Variants in TMEM207 observed in about 807,000 individuals in gnomAD.
TMEM207 encodes transmembrane protein 207, also known as SRSR846.
TMEM207 carries 15 observed loss-of-function variants against 17.4 expected under a neutral mutation model. The ratio of observed to expected loss-of-function variants is 0.86; its 90% confidence interval spans 0.58 to 1.33. The LOEUF (loss-of-function observed/expected upper bound fraction) is 1.33, where lower values mean the gene tolerates loss of function less well. Ranked by LOEUF, TMEM207 falls within the 40% of genes most tolerant of loss-of-function variation. TMEM207 has a pLI of 0.00. For synonymous variants in TMEM207, 70 were observed against 65.6 expected (o/e 1.07, Z -0.33); for missense variants, 205 against 173.8 (o/e 1.18, Z -1.01).
At chr3:190,443,128 T>C (rs1341844261) in intron 2 of TMEM207, among the ~76,000 whole-genome samples, 1 of 151,576 alleles carries the variant, frequency 6.6e-6, no homozygotes, top group Non-Finnish European at 1.5e-5. Context: ...CTTGGTGTCC[T>C]GACACAATTA....
intron 3 of TMEM207, 147 bp downstream of exon 3, chr3:190,441,291 G>A: frequency 3.2e-6 from 2 of 624,994 alleles, no homozygotes; most frequent in South Asian, 2.1e-5. Flanking sequence ...ATTGGCCAAC[G>A]ATCTGAAAGT....
Position 190,449,847 on chromosome 3 carries a change from C to T in TMEM207, c.-38G>A, listed in dbSNP as rs746435403. ...GTCAACTTAGGATAGTGGTTTGGTG[C>T]CTGTGTTTATTTCCTTCTTTCTCAG... On this transcript the variant is annotated 5_prime_UTR_variant, in exon 1 of 5. Transcript: ENST00000354905. The T allele has an allele frequency of 1.5e-5, 23 of 1,579,434 alleles. No homozygotes were observed. Among genetic ancestry groups the T allele is most frequent in the Non-Finnish European group, 2.0e-5 (23 of 1,149,034 alleles).
intron 4 of TMEM207, among the ~76,000 whole-genome samples, chr3:190,436,496 C>T (rs1215998444): frequency 6.6e-6 from 1 of 152,236 alleles, no homozygotes; most frequent in Non-Finnish European, 1.5e-5. Context: ...AATCCTGTGG[C>T]AGCTGGACTC....
intron 4 of TMEM207, among the ~76,000 whole-genome samples, chr3:190,431,479 A>G (rs1045964537): frequency 6.6e-6 from 1 of 152,148 alleles, no homozygotes; most frequent in Middle Eastern, 3.4e-3. Context: ...ATTATAATAT[A>G]GAAGTTATTA....
rs1719902856 is a variant in TMEM207 at position 190,440,335 on chromosome 3, G to A, written c.213C>T (p.Leu71=). 1 of 1,614,134 alleles carries A rather than the reference G, an allele frequency of 6.2e-7. No individual in the cohort carries two copies. Among genetic ancestry groups the A allele is most frequent in the Non-Finnish European group, 8.5e-7 (1 of 1,180,020 alleles). The change falls in exon 4 of 5, where the codon CTC becomes CTT. Residue 71 remains leucine (L), a synonymous_variant. Transcript: ENST00000354905. The part of the protein sequence containing the change: ...VAALLCGAVV[L]CLQCWLRRPR... ...GTCTCCTCAGCCAGCACTGGAGGCAGAGGACCACAGCTCCACAGAGAAGAG... is the reference window on the plus strand; with the variant it reads ...GTCTCCTCAGCCAGCACTGGAGGCAAAGGACCACAGCTCCACAGAGAAGAG...
At chr3:190,448,686 G>A (rs183156399) in intron 1 of TMEM207, among the ~76,000 whole-genome samples, 4 of 152,192 alleles carry the variant, frequency 2.6e-5, no homozygotes, top group South Asian at 4.1e-4. Context: ...ACTATAACAC[G>A]CAAATAAAAG....
chr3:190,440,844 G>A (rs1165112103), intron 3 of TMEM207, among the ~76,000 whole-genome samples: 5 of 152,240 alleles, frequency 3.3e-5, no homozygotes, highest in Middle Eastern at 3.4e-3. Context: ...CGAGGCGGGC[G>A]GATCACGAGG....
intron 4 of TMEM207, among the ~76,000 whole-genome samples, chr3:190,430,075 T>A (rs1262135842): frequency 6.6e-6 from 1 of 152,136 alleles, no homozygotes; most frequent in Admixed American, 6.6e-5. Flanking sequence ...GCTGCCAACA[T>A]GGGAAATGTA....
At chr3:190,435,310 C>T (rs1466979554) in intron 4 of TMEM207, among the ~76,000 whole-genome samples, 2 of 152,188 alleles carry the variant, frequency 1.3e-5, no homozygotes, top group Non-Finnish European at 2.9e-5. Context: ...ACATCATGGT[C>T]TTTACTTTGT....
intron 4 of TMEM207, among the ~76,000 whole-genome samples, chr3:190,436,827 A>G (rs1038186265): frequency 8.5e-5 from 13 of 152,076 alleles, no homozygotes; most frequent in African/African-American, 3.1e-4. Flanking sequence ...TTCCTAAATT[A>G]CTCTTTTGTA....
chr3:190,433,475 A>G (rs1429278423), intron 4 of TMEM207, among the ~76,000 whole-genome samples: 1 of 152,182 alleles, frequency 6.6e-6, no homozygotes, highest in Non-Finnish European at 1.5e-5. Flanking sequence ...ACTATTTTTA[A>G]TATTTATTTT....
intron 4 of TMEM207, among the ~76,000 whole-genome samples, chr3:190,432,656 G>A (rs1719715653): frequency 6.6e-6 from 1 of 152,156 alleles, no homozygotes; most frequent in Non-Finnish European, 1.5e-5. Context: ...AATCCTGGGA[G>A]ACTGGAGGGA....
chr3:190,440,882 C>G (rs1045465517), intron 3 of TMEM207, among the ~76,000 whole-genome samples: 3 of 152,156 alleles, frequency 2.0e-5, no homozygotes, highest in African/African-American at 4.8e-5. Flanking sequence ...TCCTGGCTAA[C>G]ACGGTGAAAC....
intron 2 of TMEM207, among the ~76,000 whole-genome samples, chr3:190,443,427 C>T (rs1719978415): frequency 6.6e-6 from 1 of 151,948 alleles, no homozygotes; most frequent in Admixed American, 6.6e-5. Flanking sequence ...CTGGTGCACC[C>T]TCTGGTGGAG....
Position 190,447,810 on chromosome 3 carries a change from T to C in TMEM207, c.93A>G (p.Leu31=), listed in dbSNP as rs1297407171. 1.2e-6 allele frequency: 2 copies of C among 1,612,732 alleles called. No individual in the cohort carries two copies. The highest frequency in any genetic ancestry group is 1.7e-6 in the Non-Finnish European group (2 of 1,179,386). ...CTTACATTTCATCTTCTTCGCATGGTAGGTCCGAGAGCACCAACTGAAACA... is the reference window on the plus strand; with the variant it reads ...CTTACATTTCATCTTCTTCGCATGGCAGGTCCGAGAGCACCAACTGAAACA... ...LPLFQLVLSD[L]PCEEDEMCVN... Residue 31 remains leucine, a synonymous_variant, in exon 2 of 5, where the codon CTA becomes CTG. Transcript: ENST00000354905.
chr3:190,447,693 A>G, intron 2 of TMEM207, 97 bp downstream of exon 2: 2 of 1,214,920 alleles, frequency 1.6e-6, no homozygotes, highest in Non-Finnish European at 2.3e-6. Flanking sequence ...GATCATTTGA[A>G]ACTCAACTGG....
chr3:190,431,500 A>G (rs78754606), intron 4 of TMEM207, among the ~76,000 whole-genome samples: 10,399 of 152,126 alleles, frequency 0.068, 970 homozygotes, highest in African/African-American at 0.21. Flanking sequence ...AATGAAAAGT[A>G]TCATGGAGTT....
intron 2 of TMEM207, among the ~76,000 whole-genome samples, chr3:190,445,820 C>T (rs372365028): frequency 4.6e-5 from 7 of 152,156 alleles, no homozygotes; most frequent in African/African-American, 1.2e-4. Flanking sequence ...CCACTGCGCC[C>T]GGTCGACCAG....
chr3:190,431,988 G>A (rs528799618), intron 4 of TMEM207, among the ~76,000 whole-genome samples: 2 of 152,170 alleles, frequency 1.3e-5, no homozygotes, highest in African/African-American at 2.4e-5. Context: ...TTCAAAGCAT[G>A]TTTACATATA....
Sources: allele counts gnomAD v4.1 joint callset (sites outside exome capture counted in the v4.1 genomes callset), GRCh38; gene constraint gnomAD v4.1.1; transcripts MANE v1.5; gene names NCBI Gene and HGNC (gene_info 2026-07-23, HGNC 2026-07-21).